UBAC2: variants seen among roughly 807,000 people sequenced by gnomAD.
The protein encoded by UBAC2 is ubiquitin-associated domain-containing protein 2.
A neutral mutation model predicts 44.0 loss-of-function variants in UBAC2; 26 were observed. The observed-to-expected ratio is 0.59, with a 90% confidence interval of 0.43 to 0.82. The LOEUF (loss-of-function observed/expected upper bound fraction) is 0.82. Ranked by LOEUF, UBAC2 falls within the 40% of genes least tolerant of loss-of-function variation. UBAC2 has a pLI of 0.00. For missense variants in UBAC2, 329 were observed against 419.4 expected, an observed-to-expected ratio of 0.78 and a Z score of 1.88; for synonymous variants, 155 against 154.3, an observed-to-expected ratio of 1.00 and a Z score of -0.04.
intron 4 of UBAC2, among the ~76,000 whole-genome samples, chr13:99,264,516 T>G (rs1038034967): frequency 2.6e-5 from 4 of 152,216 alleles, no homozygotes; most frequent in Non-Finnish European, 5.9e-5. Flanking sequence ...TCTTTGTAGC[T>G]TATTTAAATT....
intron 4 of UBAC2, among the ~76,000 whole-genome samples, chr13:99,267,713 C>A (rs371928947): frequency 1.3e-5 from 2 of 152,268 alleles, no homozygotes; most frequent in East Asian, 3.9e-4. Context: ...CTTTTTGTAG[C>A]ATTCTTGGTC....
At chr13:99,263,463 C>T (rs1387632732) in intron 4 of UBAC2, among the ~76,000 whole-genome samples, 2 of 152,146 alleles carry the variant, frequency 1.3e-5, no homozygotes, top group Admixed American at 6.5e-5. Context: ...GGGTATTATC[C>T]ATTCGCCAGA....
At chr13:99,277,654 A>G (rs1330568530) in intron 4 of UBAC2, among the ~76,000 whole-genome samples, 1 of 152,202 alleles carries the variant, frequency 6.6e-6, no homozygotes, top group African/African-American at 2.4e-5. Flanking sequence ...TCATTCAGAC[A>G]TTTTATTAAG....
At chr13:99,324,795 G>A (rs2044615454) in intron 6 of UBAC2, among the ~76,000 whole-genome samples, 1 of 152,182 alleles carries the variant, frequency 6.6e-6, no homozygotes, top group South Asian at 2.1e-4. Context: ...GAAACCTGGT[G>A]TATGGCACTC....
chr13:99,209,126 C>T (rs1414729384), intron 1 of UBAC2, among the ~76,000 whole-genome samples: 4 of 152,226 alleles, frequency 2.6e-5, no homozygotes, highest in Non-Finnish European at 5.9e-5. Flanking sequence ...GCTTTTCCAG[C>T]TCTCTAGATT....
chr13:99,255,193 T>G (rs2043524906), intron 4 of UBAC2: 1 of 1,614,142 alleles, frequency 6.2e-7, no homozygotes, highest in African/African-American at 1.3e-5. Context: ...GGACTTCTCC[T>G]TGACTTTGGG....
chr13:99,381,722 C>A (rs987289261), intron 8 of UBAC2, among the ~76,000 whole-genome samples: 2 of 152,182 alleles, frequency 1.3e-5, no homozygotes, highest in African/African-American at 2.4e-5. Flanking sequence ...ACATATCCAG[C>A]CTGAGTCCTC....
chr13:99,211,439 C>T (rs1593998800), intron 1 of UBAC2, among the ~76,000 whole-genome samples: 1 of 152,192 alleles, frequency 6.6e-6, no homozygotes, highest in East Asian at 1.9e-4. Context: ...ATTATTTAAA[C>T]AAGGGTGCTA....
chr13:99,201,018 G>T, intron 1 of UBAC2, 79 bp downstream of exon 1: 1 of 1,293,946 alleles, frequency 7.7e-7, no homozygotes. Flanking sequence ...GGGGCAGCGG[G>T]GACCCTCGGG....
At position 99,243,914 on chromosome 13, in the gene UBAC2, G is replaced by A. The variant is rs1473938078; in HGVS notation, c.242G>A (p.Arg81Lys). 1.3e-6 allele frequency: 2 copies of A among 1,550,898 alleles called. No individual in the cohort carries two copies. Among genetic ancestry groups the A allele is most frequent in the Non-Finnish European group, 8.7e-7 (1 of 1,147,140 alleles). ...AGTAGTCTGCTTATTTATAATTTTA[G>A]GATATTTGAAAGAAGATATGGAAGC... ...FCSSLLIYNF[R>K]IFERRYGSRK... Residue 81 changes from arginine to lysine, a missense_variant, in exon 3 of 9, where the codon AGG becomes AAG. Coordinates refer to ENST00000403766, the MANE Select transcript of UBAC2 (RefSeq NM_001144072.2).
At chr13:99,370,021 G>T (rs1299050937) in intron 8 of UBAC2, among the ~76,000 whole-genome samples, 1 of 148,628 alleles carries the variant, frequency 6.7e-6, no homozygotes, top group Non-Finnish European at 1.5e-5. Context: ...ACTGGATTTT[G>T]TACTGGAGAA....
chr13:99,213,024 A>G (rs1295154215), intron 1 of UBAC2, among the ~76,000 whole-genome samples: 1 of 152,158 alleles, frequency 6.6e-6, no homozygotes, highest in East Asian at 1.9e-4. Flanking sequence ...TTGGTAGTCT[A>G]GTGGTCATTC....
At position 99,328,534 on chromosome 13, in the gene UBAC2, G is replaced by A. The variant is rs571145354; in HGVS notation, c.561+10465G>A. Among the ~76,000 whole-genome samples, 10 of 152,224 alleles carry A rather than the reference G, an allele frequency of 6.6e-5. No homozygotes were observed. The East Asian group carries it at 1.2e-3, about 18-fold the overall frequency. On this transcript the variant is annotated intron_variant, in intron 6 of 8. Coordinates refer to ENST00000403766, the MANE Select transcript of UBAC2 (RefSeq NM_001144072.2). ...ATTGTCAGTTGTTTTAGCTTTAGCCGCTCTATTGGGTGTGTAGTGGTATCT... is the reference window on the plus strand; with the variant it reads ...ATTGTCAGTTGTTTTAGCTTTAGCCACTCTATTGGGTGTGTAGTGGTATCT...
intron 8 of UBAC2, among the ~76,000 whole-genome samples, chr13:99,384,864 T>TCAC (rs2045600160): frequency 6.6e-6 from 1 of 152,044 alleles, no homozygotes; most frequent in Non-Finnish European, 1.5e-5. Flanking sequence ...TGAGCATGGG[T>TCAC]CACCACCATA....
chr13:99,322,343 C>T (rs2138785774), intron 6 of UBAC2, among the ~76,000 whole-genome samples: 1 of 152,278 alleles, frequency 6.6e-6, no homozygotes, highest in Middle Eastern at 3.4e-3. Context: ...CATCTCAGAA[C>T]TTCTTCATTT....
chr13:99,269,566 A>G (rs2043790959), intron 4 of UBAC2, among the ~76,000 whole-genome samples: 1 of 152,222 alleles, frequency 6.6e-6, no homozygotes. Flanking sequence ...AGTCTTTATA[A>G]ATACTTAAAG....
chr13:99,328,342 CAT>C (rs1203217363), intron 6 of UBAC2, among the ~76,000 whole-genome samples: 2 of 152,126 alleles, frequency 1.3e-5, no homozygotes, highest in Non-Finnish European at 2.9e-5. Context: ...TGTGTGTGGA[CAT>C]ATGTTTTCCT....
At position 99,385,685 on chromosome 13, in the gene UBAC2, A is replaced by C; in HGVS notation, c.*350A>C. On this transcript the variant is annotated 3_prime_UTR_variant, in exon 9 of 9. Transcript: ENST00000403766. ...GGAATTGCTGTAACCCTCTTACTGT[A>C]ACATGTCATCTCCTGCGTCGTGATG... 1 of 243,816 alleles carries C rather than the reference A, an allele frequency of 4.1e-6. No homozygotes were observed. Among genetic ancestry groups the C allele is most frequent in the South Asian group, 7.8e-5 (1 of 12,836 alleles). The allele number at this position is 243,816 out of a possible 1,614,324, so 15.1% of individuals were successfully genotyped here. A position where few individuals can be genotyped will look rare whatever the true frequency, so the allele number is the denominator to read the frequency against.
chr13:99,300,873 A>C (rs2138730665), intron 4 of UBAC2, among the ~76,000 whole-genome samples: 1 of 152,304 alleles, frequency 6.6e-6, no homozygotes, highest in South Asian at 2.1e-4. Flanking sequence ...ATATTTGGAT[A>C]GTATAGTTAT....
Sources: allele counts gnomAD v4.1 joint callset (sites outside exome capture counted in the v4.1 genomes callset), GRCh38; gene constraint gnomAD v4.1.1; transcripts MANE v1.5; gene names NCBI Gene and HGNC (gene_info 2026-07-23, HGNC 2026-07-21).